DNAJC15: variants seen among roughly 807,000 people sequenced by gnomAD.
DNAJC15 encodes dnaJ homolog subfamily C member 15.
DNAJC15 carries 27 observed loss-of-function variants against 22.4 expected under a neutral mutation model. The observed-to-expected ratio is 1.20, with a 90% CI of 0.89 to 1.66. The LOEUF (loss-of-function observed/expected upper bound fraction) is 1.66. Ranked by LOEUF, DNAJC15 falls within the 40% of genes most tolerant of loss-of-function variation. The pLI is 0.00. For synonymous variants in DNAJC15, 79 were observed against 63.2 expected (o/e 1.25, Z -1.19); for missense variants, 208 against 187.1 (o/e 1.11, Z -0.65).
intron 1 of DNAJC15, among the ~76,000 whole-genome samples, chr13:43,039,389 G>A (rs2040442998): frequency 6.6e-6 from 1 of 152,152 alleles, no homozygotes; most frequent in Non-Finnish European, 1.5e-5. Flanking sequence ...TGTTTCTATA[G>A]AAGTCTGTGT....
At chr13:43,106,136 A>C (rs1052097390) in intron 5 of DNAJC15, among the ~76,000 whole-genome samples, 1 of 152,226 alleles carries the variant, frequency 6.6e-6, no homozygotes, top group Non-Finnish European at 1.5e-5. Context: ...GAAAAAAGTC[A>C]GAACAATTTA....
At chr13:43,081,279 C>G (rs976245978) in intron 4 of DNAJC15, among the ~76,000 whole-genome samples, 1 of 152,070 alleles carries the variant, frequency 6.6e-6, no homozygotes, top group African/African-American at 2.4e-5. Context: ...TAAACTGTGA[C>G]TTTAAACAAA....
intron 1 of DNAJC15, among the ~76,000 whole-genome samples, chr13:43,048,446 T>C (rs2040487778): frequency 6.6e-6 from 1 of 152,260 alleles, no homozygotes. Context: ...GAGCCGAGAT[T>C]GCGCCATTGC....
chr13:43,066,210 T>A (rs999873256), intron 2 of DNAJC15, among the ~76,000 whole-genome samples: 1 of 152,196 alleles, frequency 6.6e-6, no homozygotes, highest in East Asian at 1.9e-4. Context: ...CTGGGGAATT[T>A]TTTTCACTGC....
intron 1 of DNAJC15, among the ~76,000 whole-genome samples, chr13:43,045,090 G>A (rs554233618): frequency 7.9e-5 from 12 of 152,200 alleles, no homozygotes; most frequent in African/African-American, 2.6e-4. Flanking sequence ...TGACCTGTTC[G>A]ACCTTGTTGC....
chr13:43,113,888 T>A lies in DNAJC15; in HGVS notation c.*6640T>A, dbSNP rs2040835731. On this transcript the variant is annotated 3_prime_UTR_variant, in exon 6 of 6. Transcript: ENST00000379221. ...AGAAAGCAGCAGGTACACACAGAAA[T>A]GCAGCCTTTCCTGGTTAACCCTGCT... is the stretch of plus-strand genomic sequence containing the variant. 6.6e-6 allele frequency: 1 copy of A among 152,258 alleles called. No homozygotes were observed. The highest frequency in any genetic ancestry group is 1.5e-5 in the Non-Finnish European group (1 of 68,058). The allele number at this position is 152,258 out of a possible 1,614,324, so 9.4% of individuals were successfully genotyped here.
intron 1 of DNAJC15, among the ~76,000 whole-genome samples, chr13:43,050,858 G>A (rs986613198): frequency 4.6e-5 from 7 of 152,030 alleles, no homozygotes; most frequent in African/African-American, 1.4e-4. Flanking sequence ...GTATTTTATC[G>A]TTTTAGTGTG....
At position 43,066,530 on chromosome 13, in the gene DNAJC15, C is replaced by G. The variant is rs552618995; in HGVS notation, c.160+793C>G. 1.3e-3 allele frequency among the ~76,000 whole-genome samples: 194 copies of G among 152,336 alleles called. 1 individual carries two copies. Among genetic ancestry groups the G allele is most frequent in the African/African-American group, 4.4e-3 (183 of 41,582 alleles). On this transcript the variant is annotated intron_variant, in intron 2 of 5. Transcript: ENST00000379221. ...AAGATCCTGAACCTAATCACATCTG[C>G]AAAGTCAGTTTTATTACATAAGGGT... is the stretch of plus-strand genomic sequence containing the variant.
intron 5 of DNAJC15, among the ~76,000 whole-genome samples, chr13:43,092,646 T>G (rs1342215758): frequency 6.6e-6 from 1 of 152,010 alleles, no homozygotes; most frequent in Non-Finnish European, 1.5e-5. Context: ...GATAGATACA[T>G]TTTTTTAAAA....
chr13:43,045,352 T>C (rs2040471792), intron 1 of DNAJC15, among the ~76,000 whole-genome samples: 2 of 152,138 alleles, frequency 1.3e-5, no homozygotes, highest in African/African-American at 4.8e-5. Context: ...AGACATCGAG[T>C]TGTAGAAGGA....
intron 3 of DNAJC15, among the ~76,000 whole-genome samples, chr13:43,078,311 C>T (rs1490972273): frequency 6.6e-6 from 1 of 152,130 alleles, no homozygotes; most frequent in African/African-American, 2.4e-5. Flanking sequence ...GAGAAAAGTA[C>T]TACAGAGCTT....
chr13:43,068,924 A>G lies in DNAJC15; in HGVS notation c.161-6A>G, dbSNP rs370540312. On this transcript the variant is annotated splice_polypyrimidine_tract_variant and splice_region_variant and intron_variant, in intron 2 of 5. Transcript: ENST00000379221. ...TACATTTGCTTTTATTCCCTTTACTATTTAGGTCGCTACGCATTTCGGATC... is the reference window on the plus strand; with the variant it reads ...TACATTTGCTTTTATTCCCTTTACTGTTTAGGTCGCTACGCATTTCGGATC... The G allele has an allele frequency of 1.1e-4, 180 of 1,611,214 alleles. No individual in the cohort carries two copies. Among genetic ancestry groups the G allele is most frequent in the Admixed American group, 7.7e-4 (46 of 59,548 alleles).
At chr13:43,064,413 C>T (rs1339694308) in intron 1 of DNAJC15, among the ~76,000 whole-genome samples, 1 of 152,166 alleles carries the variant, frequency 6.6e-6, no homozygotes, top group Non-Finnish European at 1.5e-5. Context: ...GTCTCAGCCT[C>T]CATCTTACTA....
intron 1 of DNAJC15, among the ~76,000 whole-genome samples, chr13:43,024,170 G>C (rs975313273): frequency 1.3e-5 from 2 of 152,060 alleles, no homozygotes; most frequent in African/African-American, 2.4e-5. Context: ...GGGAAAAAGT[G>C]TTTCGGGTAC....
At chr13:43,061,529 A>G (rs907340134) in intron 1 of DNAJC15, among the ~76,000 whole-genome samples, 1 of 152,218 alleles carries the variant, frequency 6.6e-6, no homozygotes, top group African/African-American at 2.4e-5. Context: ...TTAAAGAGGC[A>G]TTGATGATGG....
chr13:43,056,312 A>G (rs1010695114), intron 1 of DNAJC15, among the ~76,000 whole-genome samples: 1 of 151,868 alleles, frequency 6.6e-6, no homozygotes, highest in African/African-American at 2.4e-5. Context: ...CTAATTTTGT[A>G]TTTTTAGTAG....
At chr13:43,093,437 G>T (rs573142675) in intron 5 of DNAJC15, among the ~76,000 whole-genome samples, 1 of 152,172 alleles carries the variant, frequency 6.6e-6, no homozygotes, top group South Asian at 2.1e-4. Flanking sequence ...TTGAGACAGG[G>T]TCTTGTTCCA....
chr13:43,081,765 CTT>C (rs1451407411), intron 4 of DNAJC15, among the ~76,000 whole-genome samples: 1 of 152,030 alleles, frequency 6.6e-6, no homozygotes, highest in Non-Finnish European at 1.5e-5. Flanking sequence ...TTTCTAAAAA[CTT>C]TTGTAGAATT....
rs2040826260 is a variant in DNAJC15 at position 43,111,850 on chromosome 13, T to G, written c.*4602T>G. Reference sequence around the variant, plus strand: ...AAGCAACCCAAAGAGCAAATCCTATTAATGGCTGGATCAGTATCATCTACT... The same window carrying G: ...AAGCAACCCAAAGAGCAAATCCTATGAATGGCTGGATCAGTATCATCTACT... On this transcript the variant is annotated 3_prime_UTR_variant, in exon 6 of 6. Transcript: ENST00000379221. The G allele has an allele frequency of 6.6e-6, 1 of 152,242 alleles. No homozygotes were observed. Among genetic ancestry groups the G allele is most frequent in the South Asian group, 2.1e-4 (1 of 4,834 alleles). The allele number at this position is 152,242 out of a possible 1,614,324, so 9.4% of individuals were successfully genotyped here.
Sources: allele counts gnomAD v4.1 joint callset (sites outside exome capture counted in the v4.1 genomes callset), GRCh38; gene constraint gnomAD v4.1.1; transcripts MANE v1.5; gene names NCBI Gene and HGNC (gene_info 2026-07-23, HGNC 2026-07-21).